INSYN1: variants seen among roughly 807,000 people sequenced by gnomAD.
INSYN1 encodes the protein inhibitory synaptic factor 1.
In INSYN1, 7 loss-of-function variants were observed where a neutral mutation model predicts 17.1. The observed-to-expected ratio is 0.41, with a 90% CI of 0.23 to 0.77. The LOEUF (loss-of-function observed/expected upper bound fraction) is 0.77, where lower values mean the gene tolerates loss of function less well. Among genes scored for constraint, INSYN1 ranks in the 30% least tolerant of loss-of-function variants. The probability of loss-of-function intolerance (pLI) is 0.32; values close to 1 mark genes in which losing one functional copy is unlikely to be tolerated. For missense variants in INSYN1, 339 were observed against 400.6 expected (o/e 0.85, Z 1.31); for synonymous variants, 174 against 166.3 (o/e 1.05, Z -0.36).
At chr15:73,742,682 C>G (rs1022500824) in intron 2 of INSYN1, among the ~76,000 whole-genome samples, 3 of 152,190 alleles carry the variant, frequency 2.0e-5, no homozygotes, top group African/African-American at 7.2e-5. Flanking sequence ...TCCAATCTGG[C>G]TACTTCTTCT....
chr15:73,751,037 C>A lies in INSYN1; in HGVS notation c.94G>T (p.Val32Phe), dbSNP rs1901963165. 1 of 1,614,102 alleles carries A rather than the reference C, an allele frequency of 6.2e-7. No individual in the cohort carries two copies. The highest frequency in any genetic ancestry group is 1.1e-5 in the South Asian group (1 of 91,078). ...RERIRQRMKM[V>F]IGQLEGILRE... Reference sequence around the variant, plus strand: ...AGGATGCCCTCAAGCTGCCCGATGACCATCTTCATGCGCTGTCGAATCCGC... The same window carrying A: ...AGGATGCCCTCAAGCTGCCCGATGAACATCTTCATGCGCTGTCGAATCCGC... The change falls in exon 2 of 3, where the codon GTC (valine) becomes TTC (phenylalanine). Residue 32 changes from valine (V) to phenylalanine (F), a missense_variant. Val to Phe is a conservative substitution (Grantham distance 50). Transcript: ENST00000569673.
chr15:73,751,959 T>G (rs1596041384), intron 1 of INSYN1, among the ~76,000 whole-genome samples, 151 bp downstream of exon 1: 2 of 50,866 alleles, frequency 3.9e-5, no homozygotes, highest in Non-Finnish European at 4.3e-5. Context: ...CCCCCCACCT[T>G]CCCCCCAGCC....
In INSYN1 at chr15:73,737,226, T is replaced by A. The variant is rs1391697087; in HGVS notation, c.*2691A>T. On this transcript the variant is annotated 3_prime_UTR_variant, in exon 3 of 3. Transcript: ENST00000569673. ...TGTGAAATGCGAACTATTCCATAGG[T>A]TTCTTTTCCCTGACTGTTGAAAAGA... The A allele has an allele frequency of 2.0e-5, 3 of 152,242 alleles. No homozygotes were observed. Among genetic ancestry groups the A allele is most frequent in the Non-Finnish European group, 4.4e-5 (3 of 68,048 alleles). The allele number at this position is 152,242 out of a possible 1,614,324, so 9.4% of individuals were successfully genotyped here.
At chr15:73,747,424 G>A (rs146853323) in intron 2 of INSYN1, among the ~76,000 whole-genome samples, 18 of 152,324 alleles carry the variant, frequency 1.2e-4, no homozygotes, top group South Asian at 6.2e-4. Flanking sequence ...AAACAAGGCC[G>A]TACGTGGAGC....
rs957387431 is a variant in INSYN1, at chr15:73,742,437, G to A, written c.157-1795C>T. On this transcript the variant is annotated intron_variant, in intron 2 of 2. Coordinates refer to ENST00000569673, the MANE Select transcript of INSYN1 (RefSeq NM_001039614.3). ...AGCAAAAGGACTCTGCAAAGCACTG[G>A]GGATGAAAATGACACCACCTCCCAT... is the stretch of plus-strand genomic sequence containing the variant. 2.0e-5 allele frequency among the ~76,000 whole-genome samples: 3 copies of A among 152,238 alleles called. No individual in the cohort carries two copies. In the East Asian group the frequency reaches 5.8e-4, roughly 29 times the overall value.
chr15:73,742,984 G>A (rs949320051), intron 2 of INSYN1, among the ~76,000 whole-genome samples: 4 of 152,250 alleles, frequency 2.6e-5, no homozygotes, highest in Non-Finnish European at 4.4e-5. Context: ...GGAGATTTAA[G>A]CTGGGTGAAG....
Position 73,740,606 on chromosome 15 carries a change from C to A in INSYN1, c.193G>T (p.Asp65Tyr). Residue 65 changes from aspartate to tyrosine, a missense_variant, in exon 3 of 3, where the codon GAC becomes TAC. Physicochemically the swap from Asp to Tyr is radical, Grantham distance 160. Transcript: ENST00000569673. The stretch of plus-strand genomic sequence containing the variant: ...CAGTCGTCCGGCTCCAGTTCAAAGT[C>A]GAAGTCCGAGGTTAGCTTATCGATC... ...SQIDKLTSDF[D>Y]FELEPDDWTT... is the part of the protein sequence containing the mutation. 1.9e-6 allele frequency: 3 copies of A among 1,613,286 alleles called. No homozygotes were observed. Among genetic ancestry groups the A allele is most frequent in the Non-Finnish European group, 2.5e-6 (3 of 1,179,528 alleles).
intron 2 of INSYN1, among the ~76,000 whole-genome samples, chr15:73,746,633 G>A (rs960023265): frequency 7.2e-5 from 11 of 152,194 alleles, no homozygotes; most frequent in African/African-American, 1.2e-4. Flanking sequence ...CTGGGGAAAC[G>A]TTGTGCCAAC....
rs1288515539 is a variant in INSYN1 at position 73,740,499 on chromosome 15, G to A, written c.300C>T (p.Phe100=). The A allele has an allele frequency of 1.9e-6, 3 of 1,613,912 alleles. No individual in the cohort carries two copies. In the African/African-American group the frequency reaches 4.0e-5, roughly 22 times the overall value. The change falls in exon 3 of 3, where the codon TTC becomes TTT. Residue 100 remains phenylalanine, a synonymous_variant. Transcript: ENST00000569673. ...GGPFDLGHLD[F]MTADILSDSW... is the part of the protein sequence containing the mutation. The stretch of plus-strand genomic sequence containing the variant: ...TGTCTGAGAGGATATCGGCTGTCAT[G>A]AAGTCCAGGTGGCCCAGGTCAAAGG...
At chr15:73,744,059 T>C (rs1176019661) in intron 2 of INSYN1, among the ~76,000 whole-genome samples, 1 of 152,042 alleles carries the variant, frequency 6.6e-6, no homozygotes, top group Admixed American at 6.6e-5. Flanking sequence ...ACCTACTTGA[T>C]AGGGCTGTTG....
At position 73,737,790 on chromosome 15, in the gene INSYN1, A is replaced by G. The variant is rs1328947589; in HGVS notation, c.*2127T>C. On this transcript the variant is annotated 3_prime_UTR_variant, in exon 3 of 3. Transcript: ENST00000569673. ...TCAGGCAGGAGCAGTGGGTGCTGCC[A>G]GGCCTGCTGCTCAGGCCCCCTCCGG... 1 of 152,294 alleles carries G rather than the reference A, an allele frequency of 6.6e-6. No individual in the cohort carries two copies. The highest frequency in any genetic ancestry group is 1.5e-5 in the Non-Finnish European group (1 of 68,090). 9.4% of individuals were successfully genotyped at this position (152,294 alleles called of 1,614,324 possible).
chr15:73,736,942 A>G lies in INSYN1; in HGVS notation c.*2975T>C, dbSNP rs1221060202. ...AAACAAGAAAAAGGAAGCCACAGGG[A>G]TCCCACTCCACTGTCAGGAGGTCCA... On this transcript the variant is annotated 3_prime_UTR_variant, in exon 3 of 3. Coordinates refer to ENST00000569673, the MANE Select transcript of INSYN1 (RefSeq NM_001039614.3). 6.5e-6 allele frequency: 1 copy of G among 153,008 alleles called. No individual in the cohort carries two copies. Among genetic ancestry groups the G allele is most frequent in the Non-Finnish European group, 1.5e-5 (1 of 68,704 alleles). The allele number at this position is 153,008 out of a possible 1,614,324, so 9.5% of individuals were successfully genotyped here. A position where few individuals can be genotyped will look rare whatever the true frequency, so the allele number is the denominator to read the frequency against.
At position 73,738,741 on chromosome 15, in the gene INSYN1, A is replaced by C. The variant is rs1901597048; in HGVS notation, c.*1176T>G. 6.6e-6 allele frequency: 1 copy of C among 152,190 alleles called. No homozygotes were observed. Among genetic ancestry groups the C allele is most frequent in the Non-Finnish European group, 1.5e-5 (1 of 68,052 alleles). The allele number at this position is 152,190 out of a possible 1,614,324, so 9.4% of individuals were successfully genotyped here. On this transcript the variant is annotated 3_prime_UTR_variant, in exon 3 of 3. Coordinates refer to ENST00000569673, the MANE Select transcript of INSYN1 (RefSeq NM_001039614.3). ...AAAGAAAAAGAAAAATGGGGTAATA[A>C]TACTTCCTGTCTCATCAGGTTATTG...
intron 2 of INSYN1, 52 bp downstream of exon 2, chr15:73,750,923 C>T (rs1901959985): frequency 6.2e-7 from 1 of 1,605,708 alleles, no homozygotes; most frequent in Non-Finnish European, 8.5e-7. Flanking sequence ...TTGTGCCAAA[C>T]CCAAGAAGGT....
In INSYN1 at chr15:73,751,102, C is replaced by T. The variant is rs765636068; in HGVS notation, c.29G>A (p.Gly10Glu). The T allele has an allele frequency of 6.2e-7, 1 of 1,613,938 alleles. No individual in the cohort carries two copies. Among genetic ancestry groups the T allele is most frequent in the Non-Finnish European group, 8.5e-7 (1 of 1,180,012 alleles). MNIRGAPDL[G>E]QPSDDPSSGG... ...ACTGCTGGGGTCGTCACTGGGCTGC[C>T]CGAGGTCCGGGGCGCCCCGAATGTT... is the stretch of plus-strand genomic sequence containing the variant. Residue 10 changes from glycine to glutamate, a missense_variant, in exon 2 of 3, where the codon GGG becomes GAG. Transcript: ENST00000569673.
At chr15:73,750,189 G>C (rs1205994321) in intron 2 of INSYN1, among the ~76,000 whole-genome samples, 1 of 152,192 alleles carries the variant, frequency 6.6e-6, no homozygotes, top group South Asian at 2.1e-4. Context: ...CGCAGCACAG[G>C]GGGCAGGGCT....
At chr15:73,741,946 C>T (rs1209500331) in intron 2 of INSYN1, among the ~76,000 whole-genome samples, 1 of 152,222 alleles carries the variant, frequency 6.6e-6, no homozygotes, top group African/African-American at 2.4e-5. Flanking sequence ...TGGCTTGGGC[C>T]AGTGGGAAGA....
rs1596035781 is a variant in INSYN1 at position 73,740,002 on chromosome 15, C to T, written c.797G>A (p.Ser266Asn). ...PEQTRRVTRN[S>N]STQTVSDKST... ...CTTGTCTGACACTGTCTGGGTGCTGCTGTTCCTCGTGACCCTTCGAGTCTG... is the reference window on the plus strand; with the variant it reads ...CTTGTCTGACACTGTCTGGGTGCTGTTGTTCCTCGTGACCCTTCGAGTCTG... The change falls in exon 3 of 3, where the codon AGC (serine) becomes AAC (asparagine). Residue 266 changes from serine to asparagine, a missense_variant. Transcript: ENST00000569673. The T allele has an allele frequency of 6.2e-7, 1 of 1,612,072 alleles. No individual in the cohort carries two copies. The highest frequency in any genetic ancestry group is 1.1e-5 in the South Asian group (1 of 91,014).
intron 2 of INSYN1, among the ~76,000 whole-genome samples, chr15:73,746,288 A>G (rs1901828901): frequency 6.6e-6 from 1 of 152,026 alleles, no homozygotes; most frequent in Non-Finnish European, 1.5e-5. Flanking sequence ...GCTTTGGTAA[A>G]TCTGTCCGGA....
Sources: allele counts gnomAD v4.1 joint callset (sites outside exome capture counted in the v4.1 genomes callset), GRCh38; gene constraint gnomAD v4.1.1; transcripts MANE v1.5; gene names NCBI Gene and HGNC (gene_info 2026-07-23, HGNC 2026-07-21).